The following FBXL20 variants were observed in gnomAD, a reference collection of about 807,000 sequenced individuals.
FBXL20 encodes the protein F-box/LRR-repeat protein 20.
Under a neutral mutation model 64.0 loss-of-function variants are expected in FBXL20, and 11 were observed. The ratio of observed to expected loss-of-function variants is 0.17; its 90% confidence interval spans 0.11 to 0.28. The LOEUF is 0.28. Among genes scored for constraint, FBXL20 ranks in the 10% least tolerant of loss-of-function variants. The pLI, the probability that FBXL20 is intolerant of heterozygous loss-of-function variation, is 1.00. For synonymous variants in FBXL20, 184 were observed against 189.0 expected (o/e 0.97, Z 0.22); for missense variants, 303 against 526.2 (o/e 0.58, Z 4.15).
chr17:39,374,873 G>A (rs759570301), intron 1 of FBXL20, among the ~76,000 whole-genome samples: 3 of 151,782 alleles, frequency 2.0e-5, no homozygotes, highest in Non-Finnish European at 4.4e-5. Context: ...TGCAACCTCC[G>A]CCTCCTGGGT....
Position 39,285,468 on chromosome 17 carries a change from A to C in FBXL20, c.494+10T>G, listed in dbSNP as rs766199554. 3.9e-6 allele frequency: 6 copies of C among 1,552,418 alleles called. No homozygotes were observed. Among genetic ancestry groups the C allele is most frequent in the Admixed American group, 2.0e-5 (1 of 49,410 alleles). ...TTGATTACTTGACATGCTTATTATA[A>C]GAAATTTACCTCAGAGCTTTTAGAG... On this transcript the variant is annotated intron_variant, in intron 7 of 14. Coordinates refer to ENST00000264658, the MANE Select transcript of FBXL20 (RefSeq NM_032875.3).
chr17:39,395,718 T>C (rs2048176586), intron 1 of FBXL20, among the ~76,000 whole-genome samples: 1 of 152,228 alleles, frequency 6.6e-6, no homozygotes, highest in Non-Finnish European at 1.5e-5. Flanking sequence ...GAAATATGGT[T>C]ATTTTCTATG....
At chr17:39,392,115 C>A (rs1040258350) in intron 1 of FBXL20, among the ~76,000 whole-genome samples, 1 of 151,754 alleles carries the variant, frequency 6.6e-6, no homozygotes, top group Admixed American at 6.6e-5. Flanking sequence ...CTAGCCCAGG[C>A]GACAGTGCGA....
chr17:39,350,947 C>T (rs2047682004), intron 1 of FBXL20, among the ~76,000 whole-genome samples: 2 of 151,942 alleles, frequency 1.3e-5, no homozygotes, highest in Admixed American at 6.6e-5. Context: ...GTTTAAGAAC[C>T]AATAGGTCAG....
chr17:39,344,487 A>T (rs982273546), intron 1 of FBXL20, among the ~76,000 whole-genome samples: 57 of 152,156 alleles, frequency 3.7e-4, no homozygotes, highest in African/African-American at 1.3e-3. Context: ...AATCTGGAAT[A>T]GAAAATATTC....
chr17:39,353,509 G>C (rs2047707770), intron 1 of FBXL20, among the ~76,000 whole-genome samples: 1 of 151,996 alleles, frequency 6.6e-6, no homozygotes, highest in African/African-American at 2.4e-5. Context: ...AAAAATCATA[G>C]TATATATAGG....
chr17:39,288,946 G>A (rs1003085370), intron 6 of FBXL20, among the ~76,000 whole-genome samples: 6 of 152,074 alleles, frequency 3.9e-5, no homozygotes, highest in Non-Finnish European at 7.4e-5. Context: ...CTTGTGATCT[G>A]CCCACCTCGG....
intron 1 of FBXL20, among the ~76,000 whole-genome samples, chr17:39,377,116 C>T (rs1370696258): frequency 6.6e-6 from 1 of 152,144 alleles, no homozygotes; most frequent in African/African-American, 2.4e-5. Context: ...GTTTAGGAGT[C>T]ATGAAGCTGG....
chr17:39,384,897 C>T (rs2048062778), intron 1 of FBXL20, among the ~76,000 whole-genome samples: 1 of 152,068 alleles, frequency 6.6e-6, no homozygotes, highest in Non-Finnish European at 1.5e-5. Context: ...TTGCAGTGAG[C>T]CAAGATCACG....
intron 2 of FBXL20, among the ~76,000 whole-genome samples, chr17:39,305,066 G>A (rs1033744076): frequency 1.3e-5 from 2 of 151,924 alleles, no homozygotes; most frequent in African/African-American, 4.8e-5. Flanking sequence ...CCCCTGCTGG[G>A]AAGGATCTTA....
rs777249517 is a variant in FBXL20, at chr17:39,300,929, T to C, written c.234+72A>G. ...CTCTTTAACGAAAATGAGATTAATA[T>C]GGCTAGGGCTAATCTGTTCCATGCT... On this transcript the variant is annotated intron_variant, in intron 4 of 14. Transcript: ENST00000264658. 1.5e-5 allele frequency: 21 copies of C among 1,372,658 alleles called. No homozygotes were observed. In the Admixed American group the frequency reaches 2.3e-4, roughly 15 times the overall value. 85.0% of individuals were successfully genotyped at this position (1,372,658 alleles called of 1,614,324 possible). A position where few individuals can be genotyped will look rare whatever the true frequency, so the allele number is the denominator to read the frequency against.
intron 2 of FBXL20, among the ~76,000 whole-genome samples, chr17:39,311,554 T>G (rs890404000): frequency 1.3e-5 from 2 of 152,084 alleles, no homozygotes; most frequent in African/African-American, 4.8e-5. Context: ...TTAATAAATT[T>G]TCTATCTTCT....
At chr17:39,337,930 C>G (rs911461392) in intron 2 of FBXL20, among the ~76,000 whole-genome samples, 4 of 151,462 alleles carry the variant, frequency 2.6e-5, no homozygotes, top group Admixed American at 6.6e-5. Flanking sequence ...GTCAGCCCCC[C>G]GCCCGGCCAG....
chr17:39,348,682 C>T (rs1045888604), intron 1 of FBXL20, among the ~76,000 whole-genome samples: 2 of 152,160 alleles, frequency 1.3e-5, no homozygotes, highest in African/African-American at 4.8e-5. Flanking sequence ...GGCAGTAATT[C>T]ACAAAGTTGT....
Position 39,401,406 on chromosome 17 carries a change from G to T in FBXL20, c.-4C>A, listed in dbSNP as rs748638748. The T allele has an allele frequency of 1.2e-6, 2 of 1,602,388 alleles. No individual in the cohort carries two copies. The highest frequency in any genetic ancestry group is 4.6e-5 in the East Asian group (2 of 43,816). ...CTCCGTTCACGTCCCTCCTCATGGG[G>T]CCGGCGGGTGCGGCCCGGGCCGGGC... On this transcript the variant is annotated 5_prime_UTR_variant, in exon 1 of 15. Coordinates refer to ENST00000264658, the MANE Select transcript of FBXL20 (RefSeq NM_032875.3).
intron 2 of FBXL20, among the ~76,000 whole-genome samples, chr17:39,333,830 C>T (rs9748715): frequency 1.7e-4 from 26 of 150,404 alleles, no homozygotes; most frequent in Non-Finnish European, 8.9e-5. Context: ...GTCTCTGCCC[C>T]GCCGCCACCC....
At chr17:39,376,425 C>A (rs1021162967) in intron 1 of FBXL20, among the ~76,000 whole-genome samples, 1 of 152,130 alleles carries the variant, frequency 6.6e-6, no homozygotes, top group Non-Finnish European at 1.5e-5. Flanking sequence ...AAATGTATGT[C>A]CATAAGGGCA....
At chr17:39,370,922 T>G (rs917195496) in intron 1 of FBXL20, among the ~76,000 whole-genome samples, 2 of 152,000 alleles carry the variant, frequency 1.3e-5, no homozygotes, top group East Asian at 3.9e-4. Flanking sequence ...AACAGCTGTA[T>G]AAAGAGTTTT....
At chr17:39,397,352 G>A (rs1002546616) in intron 1 of FBXL20, among the ~76,000 whole-genome samples, 5 of 152,150 alleles carry the variant, frequency 3.3e-5, no homozygotes, top group African/African-American at 9.7e-5. Flanking sequence ...TCAAAATACC[G>A]AAATTGGAGC....
Sources: gnomAD v4.1 joint callset for allele counts (sites outside exome capture counted in the v4.1 genomes callset) on GRCh38, gnomAD v4.1.1 for gene constraint, MANE v1.5 for transcripts, NCBI Gene and HGNC (gene_info 2026-07-23, HGNC 2026-07-21) for gene names.